VPS13C: variants seen among roughly 807,000 people sequenced by gnomAD.
The protein encoded by VPS13C is vacuolar protein sorting 13 homolog C.
Under a neutral mutation model 456.8 loss-of-function variants are expected in VPS13C, and 358 were observed. That is an observed-to-expected ratio of 0.78 (90% confidence interval 0.72 to 0.86). The LOEUF is 0.86. Ranked by LOEUF, VPS13C falls within the 40% of genes least tolerant of loss-of-function variation. The pLI, the probability that VPS13C is intolerant of heterozygous loss-of-function variation, is 0.00. For missense variants in VPS13C, 4,818 were observed against 4,385.4 expected (o/e 1.10, Z -2.79); for synonymous variants, 1,578 against 1,486.7 (o/e 1.06, Z -1.41).
At position 61,983,849 on chromosome 15, in the gene VPS13C, A is replaced by C. The variant is rs548110034; in HGVS notation, c.1885T>G (p.Ser629Ala). The change falls in exon 20 of 85, where the codon TCC becomes GCC. Residue 629 changes from serine to alanine, a missense_variant. Ser to Ala is a moderately conservative substitution (Grantham distance 99). This residue lies in a region of VPS13C where 4,552 missense variants were observed against 4,130.6 expected (regional missense o/e 1.10). Transcript: ENST00000644861. ...TCATAGATGACCTCCACAGGCTGGG[A>C]CTGAACAATCAGAGTCTGGTCAGCA... is the stretch of plus-strand genomic sequence containing the variant. ...SPADQTLIVQ[S>A]QPVEVIYDAK... 10 of 1,614,122 alleles carry C rather than the reference A, an allele frequency of 6.2e-6. No homozygotes were observed. The highest frequency in any genetic ancestry group is 1.7e-4 in the Middle Eastern group (1 of 6,060).
At chr15:61,932,224 T>C (rs2044083297) in intron 49 of VPS13C, among the ~76,000 whole-genome samples, 1 of 152,048 alleles carries the variant, frequency 6.6e-6, no homozygotes, top group Non-Finnish European at 1.5e-5. Flanking sequence ...AGGTGAGAAC[T>C]TAACAGAACC....
intron 62 of VPS13C, among the ~76,000 whole-genome samples, chr15:61,912,617 C>T (rs1029559667): frequency 2.7e-5 from 4 of 149,254 alleles, no homozygotes; most frequent in Non-Finnish European, 4.4e-5. Context: ...ATTCAAATTT[C>T]GGTACACTTT....
intron 15 of VPS13C, among the ~76,000 whole-genome samples, chr15:62,002,803 C>T (rs2046677819): frequency 6.6e-6 from 1 of 152,146 alleles, no homozygotes; most frequent in Admixed American, 6.5e-5. Flanking sequence ...TTGTTTTTGT[C>T]AGGTTTGTCA....
intron 15 of VPS13C, among the ~76,000 whole-genome samples, chr15:62,002,688 A>C (rs1409320962): frequency 9.0e-6 from 1 of 111,198 alleles, no homozygotes. Context: ...TCTTGAATTG[A>C]TTTTTGTATA....
intron 1 of VPS13C, among the ~76,000 whole-genome samples, chr15:62,047,735 T>C (rs1390106146): frequency 6.6e-6 from 1 of 152,154 alleles, no homozygotes; most frequent in Non-Finnish European, 1.5e-5. Flanking sequence ...GACTAACAAG[T>C]ACTCTCCACT....
In VPS13C at chr15:61,867,994, AAGAT is replaced by A; in HGVS notation, c.10863+661_10863+664del. ...GAAAATAAAGTTAGAAGCATGCAGA[AAGAT>A]AGATAAAACGTAATCATATACAATA... On this transcript the variant is annotated intron_variant, in intron 81 of 84. Transcript: ENST00000644861. This position sits in a 1 kb window ranked among gnomAD's most constrained non-coding sequence, Gnocchi z 5.0. 7.9e-7 allele frequency: 1 copy of A among 1,271,520 alleles called. No individual in the cohort carries two copies. Among genetic ancestry groups the A allele is most frequent in the South Asian group, 1.2e-5 (1 of 80,988 alleles). 78.8% of individuals were successfully genotyped at this position (1,271,520 alleles called of 1,614,324 possible).
chr15:61,854,489 C>T lies in VPS13C; in HGVS notation c.11230G>A (p.Val3744Met), dbSNP rs1300411713. 4.3e-6 allele frequency: 7 copies of T among 1,614,160 alleles called. No homozygotes were observed. Among genetic ancestry groups the T allele is most frequent in the Non-Finnish European group, 5.1e-6 (6 of 1,180,000 alleles). The change falls in exon 85 of 85, where the codon GTG becomes ATG. Residue 3744 changes from valine (V) to methionine (M), a missense_variant. Physicochemically the swap from Val to Met is conservative, Grantham distance 21. Coordinates refer to ENST00000644861, the MANE Select transcript of VPS13C (RefSeq NM_020821.3). ...QQQKLMKQSSVRLLRPQLPS is the reference protein window; with the variant it reads ...QQQKLMKQSSMRLLRPQLPS ...GGCAATTGGGGTCTGAGAAGTCTCA[C>T]TGATGACTGCTTCATCAATTTTTGC... is the stretch of plus-strand genomic sequence containing the variant.
chr15:61,908,697 T>C (rs1164209944), intron 65 of VPS13C, among the ~76,000 whole-genome samples: 1 of 152,226 alleles, frequency 6.6e-6, no homozygotes, highest in African/African-American at 2.4e-5. Context: ...AAGATTTTTC[T>C]GGAAATTTGG....
At position 61,996,868 on chromosome 15, in the gene VPS13C, TACACACACACACACAC is replaced by T. The variant is rs35800911; in HGVS notation, c.1353+3680_1353+3695del. ...TGAACAGAGCACCAAAAGGTCTAAA[TACACACACACACACAC>T]ACACACACACACATATATATATATT... On this transcript the variant is annotated intron_variant, in intron 16 of 84. Coordinates refer to ENST00000644861, the MANE Select transcript of VPS13C (RefSeq NM_020821.3). Among the ~76,000 whole-genome samples, 6 of 143,892 alleles carry T rather than the reference TACACACACACACACAC, an allele frequency of 4.2e-5. No individual in the cohort carries two copies. The South Asian group carries it at 1.3e-3, about 32-fold the overall frequency. 94.4% of individuals were successfully genotyped at this position (143,892 alleles called of 152,430 possible). A position where few individuals can be genotyped will look rare whatever the true frequency, so the allele number is the denominator to read the frequency against.
Position 61,951,850 on chromosome 15 carries a change from AT to A in VPS13C, c.4429del (p.Ile1477LeufsTer24), listed in dbSNP as rs756149444. 5.6e-6 allele frequency: 9 copies of A among 1,611,158 alleles called. No homozygotes were observed. Among genetic ancestry groups the A allele is most frequent in the South Asian group, 3.3e-5 (3 of 90,414 alleles). On this transcript the variant is annotated frameshift_variant, in exon 39 of 85. Coordinates refer to ENST00000644861, the MANE Select transcript of VPS13C (RefSeq NM_020821.3). LOFTEE classifies it high-confidence loss of function. Reference sequence around the variant, plus strand: ...AGTGAAATCAAAGCACTGCATACTAATTTTTTTTAGATAAGCTTTAGCAGTC... The same window carrying A: ...AGTGAAATCAAAGCACTGCATACTAATTTTTTTAGATAAGCTTTAGCAGTC... ...DMTAKAYLKK[I>X]SMQCFDFTDS... is the part of the protein sequence containing the mutation.
intron 37 of VPS13C, 91 bp from the exon 38 acceptor site, chr15:61,954,645 T>A: frequency 7.6e-7 from 1 of 1,321,832 alleles, no homozygotes; most frequent in Non-Finnish European, 1.0e-6. Flanking sequence ...CTGGACCTGG[T>A]AGAGGCAATG....
chr15:62,016,467 T>G (rs1193980896), intron 9 of VPS13C, among the ~76,000 whole-genome samples: 1 of 131,082 alleles, frequency 7.6e-6, no homozygotes, highest in African/African-American at 2.9e-5. Context: ...TTCCCCTTCC[T>G]GTGTCCAAGT....
intron 66 of VPS13C, among the ~76,000 whole-genome samples, chr15:61,895,377 A>G (rs2042776136): frequency 6.6e-6 from 1 of 152,138 alleles, no homozygotes; most frequent in Admixed American, 6.5e-5. Context: ...AGAAATAAAT[A>G]AAATTGAGAC....
chr15:61,890,645 G>C (rs2042620973), intron 66 of VPS13C, among the ~76,000 whole-genome samples: 2 of 152,196 alleles, frequency 1.3e-5, no homozygotes, highest in Admixed American at 1.3e-4. Flanking sequence ...CCTACTGAGT[G>C]CTGAAGGGCA....
At position 61,959,380 on chromosome 15, in the gene VPS13C, A is replaced by G; in HGVS notation, c.4056+68T>C. 4.3e-6 allele frequency: 6 copies of G among 1,392,466 alleles called. No homozygotes were observed. The South Asian group carries it at 1.0e-4, about 23-fold the overall frequency. 86.3% of individuals were successfully genotyped at this position (1,392,466 alleles called of 1,614,324 possible). On this transcript the variant is annotated intron_variant, in intron 36 of 84. Transcript: ENST00000644861. ...GCAAAAGAGTCTACATTTCATTTGGATTTCTGCTAAAAGTCTTTGGAGTTT... is the reference window on the plus strand; with the variant it reads ...GCAAAAGAGTCTACATTTCATTTGGGTTTCTGCTAAAAGTCTTTGGAGTTT...
At chr15:61,913,271 G>A in intron 62 of VPS13C, 40 bp downstream of exon 62, 1 of 1,563,308 alleles carries the variant, frequency 6.4e-7, no homozygotes, top group East Asian at 2.2e-5. Context: ...TGTAGCAAAG[G>A]TGAACGGAAT....
chr15:61,912,540 G>GT (rs76254860), intron 62 of VPS13C, among the ~76,000 whole-genome samples: 18,681 of 151,892 alleles, frequency 0.12, 1,662 homozygotes, highest in Admixed American at 0.17. Context: ...ACAAATTCAG[G>GT]TTTTGCTCTG....
intron 13 of VPS13C, among the ~76,000 whole-genome samples, chr15:62,010,148 C>A (rs2046991092): frequency 6.6e-6 from 1 of 151,816 alleles, no homozygotes; most frequent in African/African-American, 2.4e-5. Context: ...TGAGATCGCA[C>A]CACTGCACTC....
intron 67 of VPS13C, among the ~76,000 whole-genome samples, chr15:61,887,248 T>A (rs954628282): frequency 6.6e-6 from 1 of 152,124 alleles, no homozygotes; most frequent in Non-Finnish European, 1.5e-5. Context: ...ATGCCAGCAA[T>A]AAACAATTGA....
Sources: gnomAD v4.1 joint callset for allele counts (sites outside exome capture counted in the v4.1 genomes callset) on GRCh38, gnomAD v4.1.1 for gene constraint, gnomAD v4.1.1 regional missense constraint, Gnocchi (gnomAD v3.1) non-coding constraint, MANE v1.5 for transcripts, NCBI Gene and HGNC (gene_info 2026-07-23, HGNC 2026-07-21) for gene names.